SGCZ: variants seen among roughly 807,000 people sequenced by gnomAD.
SGCZ encodes sarcoglycan zeta, also known as zeta-sarcoglycan.
In SGCZ, 40 loss-of-function variants were observed where a neutral mutation model predicts 41.3. The ratio of observed to expected loss-of-function variants is 0.97; its 90% CI spans 0.75 to 1.26. The LOEUF (loss-of-function observed/expected upper bound fraction) is 1.26. Among genes scored for constraint, SGCZ ranks in the 50% most tolerant of loss-of-function variants. The probability of loss-of-function intolerance (pLI) is 0.00; values close to 1 mark genes in which losing one functional copy is unlikely to be tolerated. For synonymous variants in SGCZ, 206 were observed against 137.5 expected (o/e 1.50, Z -3.49); for missense variants, 552 against 369.8 (o/e 1.49, Z -4.04).
chr8:14,472,553 A>G (rs79325833), intron 2 of SGCZ, among the ~76,000 whole-genome samples: 1 of 152,074 alleles, frequency 6.6e-6, no homozygotes, highest in Non-Finnish European at 1.5e-5. Flanking sequence ...TCCCAACCAT[A>G]TACTGGGATA....
At chr8:14,201,159 C>T (rs2117070301) in intron 4 of SGCZ, among the ~76,000 whole-genome samples, 1 of 152,212 alleles carries the variant, frequency 6.6e-6, no homozygotes, top group African/African-American at 2.4e-5. Context: ...GCGAAATGCT[C>T]ATACAGGCAG....
intron 3 of SGCZ, among the ~76,000 whole-genome samples, chr8:14,239,555 C>G (rs1265995255): frequency 6.6e-6 from 1 of 152,002 alleles, no homozygotes; most frequent in East Asian, 1.9e-4. Context: ...ACATAAGCTT[C>G]TTATGTCAAC....
intron 2 of SGCZ, among the ~76,000 whole-genome samples, chr8:14,493,982 G>T (rs1413668324): frequency 1.3e-5 from 2 of 152,080 alleles, no homozygotes; most frequent in Non-Finnish European, 2.9e-5. Flanking sequence ...AAAAAAATAT[G>T]CAGCAGTAAT....
intron 1 of SGCZ, among the ~76,000 whole-genome samples, chr8:14,674,861 G>A (rs1479735973): frequency 6.7e-6 from 1 of 149,858 alleles, no homozygotes; most frequent in Non-Finnish European, 1.5e-5. Context: ...TCTCGTTGAG[G>A]CCTCCCCAGA....
At chr8:14,971,111 T>G (rs566886518) in intron 1 of SGCZ, among the ~76,000 whole-genome samples, 4 of 152,330 alleles carry the variant, frequency 2.6e-5, no homozygotes, top group African/African-American at 9.6e-5. Flanking sequence ...ATTCTGTATA[T>G]CGATTTTTAT....
intron 3 of SGCZ, among the ~76,000 whole-genome samples, chr8:14,305,816 C>T (rs115372237): frequency 0.011 from 1,663 of 152,194 alleles, 39 homozygotes; most frequent in African/African-American, 0.038. Context: ...GTTTATGGGA[C>T]ATTAGTAAAC....
chr8:14,829,341 A>T (rs1802446596), intron 1 of SGCZ, among the ~76,000 whole-genome samples: 1 of 146,670 alleles, frequency 6.8e-6, no homozygotes, highest in Non-Finnish European at 1.5e-5. Flanking sequence ...TCAATTCTTC[A>T]GGGATAGACT....
chr8:14,824,558 A>G (rs1239650544), intron 1 of SGCZ, among the ~76,000 whole-genome samples: 1 of 152,004 alleles, frequency 6.6e-6, no homozygotes, highest in African/African-American at 2.4e-5. Flanking sequence ...TGGCTTCCAT[A>G]ATAAAGACCA....
chr8:14,816,859 G>A (rs1242861424), intron 1 of SGCZ, among the ~76,000 whole-genome samples: 1 of 152,074 alleles, frequency 6.6e-6, no homozygotes, highest in Admixed American at 6.5e-5. Flanking sequence ...TGCCAAAAAG[G>A]CAAAGAGAAT....
At chr8:14,597,439 C>A (rs532637111) in intron 1 of SGCZ, among the ~76,000 whole-genome samples, 3 of 152,004 alleles carry the variant, frequency 2.0e-5, no homozygotes, top group African/African-American at 7.3e-5. Context: ...TCAGGAAAAC[C>A]GTCCAGGAAA....
chr8:14,301,064 A>ATCC (rs1801168911), intron 3 of SGCZ, among the ~76,000 whole-genome samples: 1 of 122,628 alleles, frequency 8.2e-6, no homozygotes, highest in Non-Finnish European at 1.7e-5. Context: ...CAAGAAAATC[A>ATCC]TCATCATCAT....
At chr8:14,198,290 T>C (rs986394558) in intron 4 of SGCZ, among the ~76,000 whole-genome samples, 1 of 152,170 alleles carries the variant, frequency 6.6e-6, no homozygotes, top group African/African-American at 2.4e-5. Context: ...TGTCATGGTA[T>C]TATAGTGATT....
chr8:14,742,250 T>A (rs1799216701), intron 1 of SGCZ, among the ~76,000 whole-genome samples: 1 of 152,034 alleles, frequency 6.6e-6, no homozygotes, highest in Non-Finnish European at 1.5e-5. Flanking sequence ...ACAACACAGG[T>A]GAGCAGTTAC....
intron 1 of SGCZ, among the ~76,000 whole-genome samples, chr8:14,852,874 G>A (rs1044527753): frequency 1.2e-4 from 18 of 152,112 alleles, no homozygotes; most frequent in African/African-American, 3.6e-4. Flanking sequence ...GAATCTCCTC[G>A]TCTAAACTCT....
At chr8:14,174,650 T>G (rs1411797559) in intron 4 of SGCZ, among the ~76,000 whole-genome samples, 2 of 152,004 alleles carry the variant, frequency 1.3e-5, no homozygotes, top group Admixed American at 6.6e-5. Context: ...TAAATTACCT[T>G]CAAAGAGCAA....
intron 1 of SGCZ, among the ~76,000 whole-genome samples, chr8:15,011,038 AG>A (rs1279548814): frequency 2.6e-5 from 4 of 151,142 alleles, no homozygotes; most frequent in Admixed American, 2.0e-4. Flanking sequence ...GAAGATTATC[AG>A]TTTTTGCAAT....
At chr8:14,537,002 A>G (rs1803316829) in intron 2 of SGCZ, among the ~76,000 whole-genome samples, 1 of 151,952 alleles carries the variant, frequency 6.6e-6, no homozygotes. Flanking sequence ...CAAAGGAAGG[A>G]TGAATTGCAT....
At chr8:14,940,722 A>T (rs1195729626) in intron 1 of SGCZ, among the ~76,000 whole-genome samples, 5 of 151,962 alleles carry the variant, frequency 3.3e-5, no homozygotes, top group Non-Finnish European at 5.9e-5. Flanking sequence ...AGGTAAGTGT[A>T]TTTGACCATA....
chr8:15,228,515 T>C (rs140466180), intron 1 of SGCZ, among the ~76,000 whole-genome samples: 3 of 152,330 alleles, frequency 2.0e-5, no homozygotes, highest in Admixed American at 6.5e-5. Context: ...TTTTATAAAA[T>C]AGATTTGAAA....
Sources: gnomAD v4.1 joint callset for allele counts (sites outside exome capture counted in the v4.1 genomes callset) on GRCh38, gnomAD v4.1.1 for gene constraint, MANE v1.5 for transcripts, NCBI Gene and HGNC (gene_info 2026-07-23, HGNC 2026-07-21) for gene names.